Variants in DDAH1 observed in about 807,000 individuals in gnomAD.
DDAH1 encodes dimethylarginine dimethylaminohydrolase 1, also known as N(G),N(G)-dimethylarginine dimethylaminohydrolase 1.
A neutral mutation model predicts 28.8 loss-of-function variants in DDAH1; 19 were observed. The ratio of observed to expected loss-of-function variants is 0.66; its 90% confidence interval spans 0.46 to 0.97. The LOEUF (loss-of-function observed/expected upper bound fraction) is 0.97, where lower values mean the gene tolerates loss of function less well. DDAH1 is among the 50% of genes least tolerant of loss of function. DDAH1 has a pLI of 0.00. For missense variants in DDAH1, 326 were observed against 375.9 expected (o/e 0.87, Z 1.10); for synonymous variants, 153 against 154.4 (o/e 0.99, Z 0.07).
At chr1:85,336,655 CTAG>C (rs1330095935) in intron 4 of DDAH1, among the ~76,000 whole-genome samples, 2 of 151,178 alleles carry the variant, frequency 1.3e-5, no homozygotes, top group African/African-American at 4.9e-5. Flanking sequence ...AAACACAAAA[CTAG>C]TAGAAGGAAA....
At chr1:85,562,654 G>A (rs1370471604) in intron 1 of DDAH1, among the ~76,000 whole-genome samples, 1 of 152,196 alleles carries the variant, frequency 6.6e-6, no homozygotes, top group Non-Finnish European at 1.5e-5. Flanking sequence ...AGATATTGGA[G>A]CGACGCATAC....
intron 1 of DDAH1, among the ~76,000 whole-genome samples, chr1:85,367,114 T>C (rs2100876558): frequency 6.6e-6 from 1 of 152,284 alleles, no homozygotes; most frequent in South Asian, 2.1e-4. Flanking sequence ...TCTTGATATA[T>C]GAGATTTTTC....
At chr1:85,445,561 A>C (rs1321862690) in intron 1 of DDAH1, among the ~76,000 whole-genome samples, 5 of 152,160 alleles carry the variant, frequency 3.3e-5, no homozygotes, top group African/African-American at 1.2e-4. Flanking sequence ...GTCCTTCCTA[A>C]AGGGTATATG....
chr1:85,435,106 A>G (rs1037965153), intron 1 of DDAH1: 18 of 152,194 alleles, frequency 1.2e-4, no homozygotes, highest in African/African-American at 4.3e-4. Context: ...ATTTGCTAAC[A>G]GATTATTGAT....
intron 1 of DDAH1, among the ~76,000 whole-genome samples, chr1:85,442,225 A>C (rs1654230964): frequency 6.6e-6 from 1 of 152,052 alleles, no homozygotes; most frequent in African/African-American, 2.4e-5. Context: ...TCTCCATCCT[A>C]TGTCCAAGTG....
intron 1 of DDAH1, among the ~76,000 whole-genome samples, chr1:85,452,700 T>C (rs868829085): frequency 1.3e-4 from 20 of 152,316 alleles, no homozygotes; most frequent in South Asian, 4.1e-4. Context: ...AGGGAAGTTC[T>C]AGGAACTGCA....
At chr1:85,532,198 T>C (rs1181672801) in intron 1 of DDAH1, among the ~76,000 whole-genome samples, 1 of 152,058 alleles carries the variant, frequency 6.6e-6, no homozygotes, top group East Asian at 1.9e-4. Flanking sequence ...AGGCTACGTG[T>C]CAAGACCTGT....
intron 1 of DDAH1, among the ~76,000 whole-genome samples, chr1:85,362,403 A>C (rs1360884830): frequency 6.6e-6 from 1 of 152,114 alleles, no homozygotes; most frequent in Non-Finnish European, 1.5e-5. Context: ...ACTCTAAGGG[A>C]CCCAATCAGT....
At chr1:85,347,621 T>TG (rs1165849593) in intron 4 of DDAH1, among the ~76,000 whole-genome samples, 1 of 149,722 alleles carries the variant, frequency 6.7e-6, no homozygotes, top group African/African-American at 2.5e-5. Context: ...TGTCGTGGGA[T>TG]GGGGGAGGGT....
chr1:85,406,026 G>A (rs1449551348), intron 1 of DDAH1, among the ~76,000 whole-genome samples: 5 of 152,188 alleles, frequency 3.3e-5, no homozygotes, highest in Admixed American at 2.6e-4. Context: ...CTATGTGCCA[G>A]GGCTACCTAC....
At chr1:85,449,752 C>T (rs1654583411) in intron 1 of DDAH1, among the ~76,000 whole-genome samples, 1 of 152,050 alleles carries the variant, frequency 6.6e-6, no homozygotes, top group African/African-American at 2.4e-5. Context: ...AAAGTCCAAG[C>T]AGGTGGGGCT....
intron 1 of DDAH1, among the ~76,000 whole-genome samples, chr1:85,504,212 T>TAGG (rs1413906168): frequency 6.6e-6 from 1 of 152,226 alleles, no homozygotes; most frequent in Non-Finnish European, 1.5e-5. Context: ...TGTGTTTTAT[T>TAGG]AGATCATGCC....
At chr1:85,414,021 C>T (rs1307483191) in intron 1 of DDAH1, among the ~76,000 whole-genome samples, 1 of 152,162 alleles carries the variant, frequency 6.6e-6, no homozygotes, top group African/African-American at 2.4e-5. Flanking sequence ...TTATTGTATG[C>T]TTAACATGTA....
At chr1:85,558,445 T>G (rs1399975587) in intron 1 of DDAH1, among the ~76,000 whole-genome samples, 1 of 152,236 alleles carries the variant, frequency 6.6e-6, no homozygotes, top group African/African-American at 2.4e-5. Context: ...GTTATACAAC[T>G]TTTGCAAGTT....
chr1:85,490,959 C>G (rs1656375975), intron 2 of DDAH1, among the ~76,000 whole-genome samples: 2 of 151,854 alleles, frequency 1.3e-5, no homozygotes, highest in South Asian at 4.2e-4. Flanking sequence ...ATTAATTTCT[C>G]TATTATAACT....
intron 1 of DDAH1, among the ~76,000 whole-genome samples, chr1:85,432,772 T>TTA (rs1653752839): frequency 6.6e-6 from 1 of 152,204 alleles, no homozygotes; most frequent in African/African-American, 2.4e-5. Flanking sequence ...ATGTTTAATA[T>TTA]TTAAGGCATC....
chr1:85,565,558 T>G (rs1659273041), intron 1 of DDAH1, among the ~76,000 whole-genome samples: 1 of 152,116 alleles, frequency 6.6e-6, no homozygotes, highest in Admixed American at 6.5e-5. Flanking sequence ...GAGCCTATAT[T>G]ATTTCAAAAT....
At chr1:85,406,602 T>A (rs1252115223) in intron 1 of DDAH1, among the ~76,000 whole-genome samples, 1 of 152,200 alleles carries the variant, frequency 6.6e-6, no homozygotes, top group Non-Finnish European at 1.5e-5. Flanking sequence ...TGTGTATGTT[T>A]ATGGCATGCA....
chr1:85,545,000 G>T (rs1239311204), intron 1 of DDAH1, among the ~76,000 whole-genome samples: 1 of 152,184 alleles, frequency 6.6e-6, no homozygotes, highest in Non-Finnish European at 1.5e-5. Flanking sequence ...GGTTGGAGAA[G>T]AGCTAGGGGA....
Sources: gnomAD v4.1 joint callset for allele counts (sites outside exome capture counted in the v4.1 genomes callset) on GRCh38, gnomAD v4.1.1 for gene constraint, MANE v1.5 for transcripts, NCBI Gene and HGNC (gene_info 2026-07-23, HGNC 2026-07-21) for gene names.